RGS6: variants seen among roughly 807,000 people sequenced by gnomAD.
The protein encoded by RGS6 is regulator of G-protein signaling 6.
Under a neutral mutation model 78.5 loss-of-function variants are expected in RGS6, and 30 were observed. That is an observed-to-expected ratio of 0.38 (90% CI 0.29 to 0.52). RGS6 has a LOEUF of 0.52. RGS6 is among the 20% of genes least tolerant of loss of function. The probability of loss-of-function intolerance (pLI) is 0.85; values close to 1 mark genes in which losing one functional copy is unlikely to be tolerated. For synonymous variants in RGS6, 206 were observed against 206.0 expected, an observed-to-expected ratio of 1.00 and a Z score of 0.00; for missense variants, 495 against 609.7, an observed-to-expected ratio of 0.81 and a Z score of 1.98.
intron 3 of RGS6, among the ~76,000 whole-genome samples, chr14:72,449,049 A>G (rs1360960514): frequency 1.3e-5 from 2 of 152,198 alleles, no homozygotes; most frequent in Non-Finnish European, 2.9e-5. Flanking sequence ...TGTGCATGAC[A>G]TCTATGTGAT....
At chr14:71,981,160 C>G (rs1296220814) in intron 2 of RGS6, among the ~76,000 whole-genome samples, 2 of 148,406 alleles carry the variant, frequency 1.3e-5, no homozygotes, top group African/African-American at 4.9e-5. Context: ...GTTATACATT[C>G]TTCTAAATTT....
At chr14:72,352,007 T>C (rs1217526909) in intron 2 of RGS6, 88 bp from the exon 3 acceptor site, 4 of 905,728 alleles carry the variant, frequency 4.4e-6, no homozygotes, top group Middle Eastern at 2.4e-4. Flanking sequence ...TTGACATCCA[T>C]GTTTATACAT....
At chr14:72,556,305 C>T (rs778040035) in intron 17 of RGS6, among the ~76,000 whole-genome samples, 8 of 152,124 alleles carry the variant, frequency 5.3e-5, no homozygotes, top group South Asian at 2.1e-4. Context: ...CAAGAGAGAG[C>T]GAGTGTGTAT....
At chr14:72,395,503 C>T (rs553599652) in intron 3 of RGS6, among the ~76,000 whole-genome samples, 5 of 151,748 alleles carry the variant, frequency 3.3e-5, no homozygotes, top group South Asian at 2.1e-4. Context: ...GAATTCTGAC[C>T]CTCATATAAT....
At chr14:72,379,223 ATG>A (rs1205029961) in intron 3 of RGS6, among the ~76,000 whole-genome samples, 1 of 152,130 alleles carries the variant, frequency 6.6e-6, no homozygotes, top group Non-Finnish European at 1.5e-5. Flanking sequence ...CACAGCTAAC[ATG>A]GTACTGAATG....
chr14:72,159,917 G>T (rs528548089), intron 2 of RGS6, among the ~76,000 whole-genome samples: 1 of 152,168 alleles, frequency 6.6e-6, no homozygotes, highest in East Asian at 1.9e-4. Flanking sequence ...TATCTGTAAG[G>T]TTGACCAGTT....
intron 3 of RGS6, among the ~76,000 whole-genome samples, chr14:72,376,192 G>A (rs1286883627): frequency 6.6e-6 from 1 of 152,126 alleles, no homozygotes; most frequent in African/African-American, 2.4e-5. Context: ...TTCTATGGCT[G>A]AAGAACTCAA....
intron 2 of RGS6, among the ~76,000 whole-genome samples, chr14:72,086,087 A>T (rs1338417719): frequency 6.6e-6 from 1 of 152,066 alleles, no homozygotes; most frequent in Admixed American, 6.5e-5. Context: ...GAAGTCATTT[A>T]AAAAAATGTC....
chr14:72,264,359 G>A (rs1384305803), intron 2 of RGS6, among the ~76,000 whole-genome samples: 1 of 152,200 alleles, frequency 6.6e-6, no homozygotes, highest in African/African-American at 2.4e-5. Flanking sequence ...TGTGTGAGTA[G>A]ATAACTATAA....
chr14:72,114,486 G>C (rs1597805447), intron 2 of RGS6, among the ~76,000 whole-genome samples: 1 of 152,258 alleles, frequency 6.6e-6, no homozygotes, highest in Middle Eastern at 3.4e-3. Context: ...ATTCTGCTAA[G>C]GTCATTGAAT....
chr14:72,390,446 G>A lies in RGS6; in HGVS notation c.184+38252G>A, dbSNP rs112241707. On this transcript the variant is annotated intron_variant, in intron 3 of 17. Coordinates refer to ENST00000553525, the MANE Select transcript of RGS6 (RefSeq NM_001204424.2). ...AGCAAAGCTTTTCACATCAGCTAGT[G>A]TAGTGTCTGAAAAAGTCCTCATTAT... Among the ~76,000 whole-genome samples, 546 of 152,088 alleles carry A rather than the reference G, an allele frequency of 3.6e-3. 6 individuals are homozygous for A. The highest frequency in any genetic ancestry group is 0.013 in the African/African-American group (530 of 41,502).
chr14:72,584,168 G>T, the RGS6 span, among the ~76,000 whole-genome samples: 1 of 152,152 alleles, frequency 6.6e-6, no homozygotes, highest in Non-Finnish European at 1.5e-5. Flanking sequence ...TGTCTGGGGT[G>T]TTCAATTTAA....
intron 16 of RGS6, chr14:72,537,587 G>T: frequency 4.3e-6 from 3 of 702,340 alleles, no homozygotes; most frequent in Non-Finnish European, 7.8e-6. Flanking sequence ...GATGCCAATG[G>T]AGGGGCTCCT....
At chr14:72,561,983 C>T (rs1157616213) in intron 17 of RGS6, among the ~76,000 whole-genome samples, 2 of 152,230 alleles carry the variant, frequency 1.3e-5, no homozygotes, top group Non-Finnish European at 2.9e-5. Flanking sequence ...TCAGCCAGAT[C>T]CTTGGCCACC....
intron 2 of RGS6, among the ~76,000 whole-genome samples, chr14:72,222,297 A>G (rs1217622205): frequency 6.6e-6 from 1 of 152,224 alleles, no homozygotes; most frequent in Non-Finnish European, 1.5e-5. Flanking sequence ...TTCTCCAGGT[A>G]AATGGCATCC....
the RGS6 span, among the ~76,000 whole-genome samples, chr14:71,881,563 AC>A: frequency 2.6e-5 from 4 of 151,578 alleles, no homozygotes; most frequent in Non-Finnish European, 5.9e-5. Flanking sequence ...ATAAGGGGAA[AC>A]CCCATTCCCT....
intron 2 of RGS6, among the ~76,000 whole-genome samples, chr14:72,001,880 T>C (rs180893948): frequency 6.7e-6 from 1 of 149,100 alleles, no homozygotes; most frequent in African/African-American, 2.5e-5. Context: ...TTGAAGTGTT[T>C]AGACATCCAT....
intron 2 of RGS6, among the ~76,000 whole-genome samples, chr14:72,030,912 A>G (rs72735994): frequency 0.086 from 13,154 of 152,128 alleles, 622 homozygotes; most frequent in East Asian, 0.17. Context: ...TGCAGCTGAT[A>G]TGGATTCTGG....
chr14:72,293,201 C>A (rs1242579456), intron 2 of RGS6, among the ~76,000 whole-genome samples: 1 of 152,166 alleles, frequency 6.6e-6, no homozygotes, highest in Non-Finnish European at 1.5e-5. Context: ...CCCGTCAGAA[C>A]CTCCCATCTG....
Sources: gnomAD v4.1 joint callset for allele counts (sites outside exome capture counted in the v4.1 genomes callset) on GRCh38, gnomAD v4.1.1 for gene constraint, MANE v1.5 for transcripts, NCBI Gene and HGNC (gene_info 2026-07-23, HGNC 2026-07-21) for gene names.